Variants in UBASH3B observed in about 807,000 individuals in gnomAD.
UBASH3B encodes ubiquitin-associated and SH3 domain-containing protein B.
A neutral mutation model predicts 83.4 loss-of-function variants in UBASH3B; 37 were observed. That is an observed-to-expected ratio of 0.44 (90% CI 0.34 to 0.58). The LOEUF (loss-of-function observed/expected upper bound fraction) is 0.58, where lower values mean the gene tolerates loss of function less well. Among genes scored for constraint, UBASH3B ranks in the 20% least tolerant of loss-of-function variants. The pLI is 0.01. For synonymous variants in UBASH3B, 304 were observed against 318.3 expected (o/e 0.96, Z 0.48); for missense variants, 657 against 827.2 (o/e 0.79, Z 2.52).
intron 5 of UBASH3B, among the ~76,000 whole-genome samples, chr11:122,787,645 G>A (rs1860978592): frequency 1.3e-5 from 2 of 152,176 alleles, no homozygotes; most frequent in African/African-American, 4.8e-5. Context: ...AGGGTCGGCT[G>A]GAAGGAAGGA....
intron 1 of UBASH3B, among the ~76,000 whole-genome samples, chr11:122,753,497 CTT>C (rs200062623): frequency 0.023 from 2,618 of 115,666 alleles, 104 homozygotes; most frequent in African/African-American, 0.076. Flanking sequence ...TTTTTTCTTT[CTT>C]TTTTTTTTTT....
chr11:122,657,386 T>G (rs373315756), intron 1 of UBASH3B, among the ~76,000 whole-genome samples: 2 of 152,106 alleles, frequency 1.3e-5, no homozygotes, highest in East Asian at 1.9e-4. Context: ...CCTCCCAGGT[T>G]CAAGCGATTC....
At chr11:122,716,319 T>C (rs1053611478) in intron 1 of UBASH3B, among the ~76,000 whole-genome samples, 1 of 152,244 alleles carries the variant, frequency 6.6e-6, no homozygotes, top group Non-Finnish European at 1.5e-5. Context: ...ACTACAGGCA[T>C]GTAGCACAAT....
At chr11:122,796,059 A>T (rs1861150072) in intron 7 of UBASH3B, 97 bp from the exon 8 acceptor site, 1 of 1,524,396 alleles carries the variant, frequency 6.6e-7, no homozygotes, top group African/African-American at 1.4e-5. Context: ...ACCTTGGCAG[A>T]ACTTTGGTAG....
chr11:122,788,756 G>A (rs1860999661), intron 5 of UBASH3B, among the ~76,000 whole-genome samples: 1 of 152,134 alleles, frequency 6.6e-6, no homozygotes, highest in African/African-American at 2.4e-5. Context: ...TGAAGCAAGG[G>A]AAGCTAGGTC....
At chr11:122,771,867 G>A (rs1487860193) in intron 1 of UBASH3B, among the ~76,000 whole-genome samples, 1 of 151,998 alleles carries the variant, frequency 6.6e-6, no homozygotes, top group Non-Finnish European at 1.5e-5. Context: ...GTGGGGCACT[G>A]CACAACTGCC....
chr11:122,679,692 A>G (rs996576587), intron 1 of UBASH3B, among the ~76,000 whole-genome samples: 2 of 152,250 alleles, frequency 1.3e-5, no homozygotes, highest in African/African-American at 4.8e-5. Context: ...CTGTTTTGCA[A>G]TAGCAGACAT....
At chr11:122,770,460 GTT>G (rs10713524) in intron 1 of UBASH3B, among the ~76,000 whole-genome samples, 158 of 142,248 alleles carry the variant, frequency 1.1e-3, no homozygotes, top group Non-Finnish European at 1.3e-3. Context: ...TGTCTTAAGT[GTT>G]TTTTTTTTTT....
Position 122,732,789 on chromosome 11 carries a change from T to C in UBASH3B, c.162-43430T>C, listed in dbSNP as rs185929418. 1.5e-3 allele frequency among the ~76,000 whole-genome samples: 227 copies of C among 152,324 alleles called. 4 individuals are homozygous for C. The highest frequency in any genetic ancestry group is 0.015 in the Admixed American group (226 of 15,306). On this transcript the variant is annotated intron_variant, in intron 1 of 13. Coordinates refer to ENST00000284273, the MANE Select transcript of UBASH3B (RefSeq NM_032873.5). ...CCAACAACTTTATCAGAAAAGGTTT[T>C]CCCTGGAATTTCCCATCCTCATTCA...
intron 1 of UBASH3B, among the ~76,000 whole-genome samples, chr11:122,767,069 C>T (rs946402195): frequency 4.6e-5 from 7 of 152,014 alleles, no homozygotes; most frequent in African/African-American, 7.2e-5. Flanking sequence ...CACGAGGTCA[C>T]GAGATCGAGA....
In UBASH3B at chr11:122,783,222, G is replaced by A; in HGVS notation, c.771G>A (p.Glu257=). ...GGGATATCCGATTTGCTAACCATGAGGTAATGTCTCACTGTGGTTCCAGAA... is the reference window on the plus strand; with the variant it reads ...GGGATATCCGATTTGCTAACCATGAAGTAATGTCTCACTGTGGTTCCAGAA... The part of the protein sequence containing the change: ...FSRDIRFANH[E]TLQVIYPYTP... The change falls in exon 5 of 14, where the codon GAG becomes GAA. Residue 257 remains glutamate, a splice_region_variant and synonymous_variant. Transcript: ENST00000284273. The A allele has an allele frequency of 6.2e-7, 1 of 1,613,336 alleles. No individual in the cohort carries two copies. The highest frequency in any genetic ancestry group is 1.1e-5 in the South Asian group (1 of 90,950).
chr11:122,689,815 A>G (rs1456029405), intron 1 of UBASH3B, among the ~76,000 whole-genome samples: 1 of 152,122 alleles, frequency 6.6e-6, no homozygotes, highest in Non-Finnish European at 1.5e-5. Context: ...CGGCTCACAG[A>G]ACTCAGGGAA....
chr11:122,719,851 C>T (rs79972088), intron 1 of UBASH3B, among the ~76,000 whole-genome samples: 4,480 of 152,254 alleles, frequency 0.029, 105 homozygotes, highest in African/African-American at 0.064. Context: ...CATCCTCCAT[C>T]AGCAGCATTG....
chr11:122,703,316 A>T (rs1180055868), intron 1 of UBASH3B, among the ~76,000 whole-genome samples: 1 of 151,522 alleles, frequency 6.6e-6, no homozygotes, highest in African/African-American at 2.4e-5. Context: ...AGTCCCAGCT[A>T]CTCGGGAGGC....
At position 122,758,555 on chromosome 11, in the gene UBASH3B, C is replaced by A. The variant is rs1861319751; in HGVS notation, c.162-17664C>A. ...GCACCCAGTGGCCGTAGAACACCGACCCTGTGCCAAACTCAGAGCTAAGCA... is the reference window on the plus strand; with the variant it reads ...GCACCCAGTGGCCGTAGAACACCGAACCTGTGCCAAACTCAGAGCTAAGCA... On this transcript the variant is annotated intron_variant, in intron 1 of 13. Transcript: ENST00000284273. The surrounding 1 kb of genome is among the most constrained non-coding windows in gnomAD (Gnocchi z 4.2). Among the ~76,000 whole-genome samples the A allele has an allele frequency of 6.6e-6, 1 of 152,230 alleles. No homozygotes were observed. The highest frequency in any genetic ancestry group is 2.4e-5 in the African/African-American group (1 of 41,458).
chr11:122,790,899 T>C (rs1861041709), intron 6 of UBASH3B, among the ~76,000 whole-genome samples: 2 of 151,152 alleles, frequency 1.3e-5, no homozygotes, highest in African/African-American at 4.9e-5. Flanking sequence ...TGCAGTGAGC[T>C]GAGATCACGC....
At chr11:122,728,976 T>G (rs1860792452) in intron 1 of UBASH3B, among the ~76,000 whole-genome samples, 1 of 150,052 alleles carries the variant, frequency 6.7e-6, no homozygotes, top group Non-Finnish European at 1.5e-5. Context: ...GGACAGAGAG[T>G]GCTCAGCCTG....
chr11:122,659,008 G>T (rs944455589), intron 1 of UBASH3B, among the ~76,000 whole-genome samples: 1 of 152,162 alleles, frequency 6.6e-6, no homozygotes, highest in African/African-American at 2.4e-5. Context: ...GTTGGGGGCT[G>T]GCATTCTTTG....
chr11:122,783,483 G>A (rs1860893844), intron 5 of UBASH3B, among the ~76,000 whole-genome samples: 1 of 151,352 alleles, frequency 6.6e-6, no homozygotes, highest in Admixed American at 6.6e-5. Context: ...TCCAACTCCA[G>A]CAAAAAAGAA....
Sources: allele counts gnomAD v4.1 joint callset (sites outside exome capture counted in the v4.1 genomes callset), GRCh38; gene constraint gnomAD v4.1.1; non-coding constraint Gnocchi (gnomAD v3.1); transcripts MANE v1.5; gene names NCBI Gene and HGNC (gene_info 2026-07-23, HGNC 2026-07-21).